PLXDC2: variants seen among roughly 807,000 people sequenced by gnomAD.
The protein encoded by PLXDC2 is plexin domain-containing protein 2.
In PLXDC2, 40 loss-of-function variants were observed where a neutral mutation model predicts 68.9. That is an observed-to-expected ratio of 0.58 (90% confidence interval 0.45 to 0.76). The LOEUF is 0.76. Among genes scored for constraint, PLXDC2 ranks in the 30% least tolerant of loss-of-function variants. The pLI is 0.00. For synonymous variants in PLXDC2, 243 were observed against 234.2 expected, an observed-to-expected ratio of 1.04 and a Z score of -0.34; for missense variants, 644 against 661.9, an observed-to-expected ratio of 0.97 and a Z score of 0.30.
intron 4 of PLXDC2, among the ~76,000 whole-genome samples, chr10:20,106,564 T>C (rs1025778260): frequency 3.3e-5 from 5 of 152,164 alleles, no homozygotes; most frequent in African/African-American, 1.2e-4. Context: ...GCATATGGGA[T>C]TGTGCATGTG....
At chr10:20,161,025 G>A (rs1308299570) in intron 6 of PLXDC2, among the ~76,000 whole-genome samples, 1 of 152,064 alleles carries the variant, frequency 6.6e-6, no homozygotes, top group Non-Finnish European at 1.5e-5. Flanking sequence ...CAGAAAATTA[G>A]GATGAGCAAT....
chr10:20,168,863 G>A (rs1362021189), intron 7 of PLXDC2, among the ~76,000 whole-genome samples: 2 of 152,056 alleles, frequency 1.3e-5, no homozygotes, highest in African/African-American at 2.4e-5. Context: ...CAGAGAAATA[G>A]TAATAAATGT....
At chr10:20,161,892 G>T (rs1401422651) in intron 6 of PLXDC2, among the ~76,000 whole-genome samples, 1 of 151,808 alleles carries the variant, frequency 6.6e-6, no homozygotes, top group Non-Finnish European at 1.5e-5. Flanking sequence ...TTAGCTGGGC[G>T]CAGTGTCACT....
At chr10:19,822,645 G>A (rs1283997982) in intron 1 of PLXDC2, among the ~76,000 whole-genome samples, 1 of 151,954 alleles carries the variant, frequency 6.6e-6, no homozygotes, top group African/African-American at 2.4e-5. Context: ...ACTATCTATT[G>A]TCTTTTTGAC....
intron 2 of PLXDC2, among the ~76,000 whole-genome samples, chr10:20,014,197 T>TTTCCTTCCTTCC (rs912652172): frequency 1.6e-5 from 2 of 122,794 alleles, no homozygotes; most frequent in African/African-American, 5.3e-5. Context: ...CCCTCCCTTG[T>TTTCCTTCCTTCC]TTCCTTCCTT....
intron 1 of PLXDC2, among the ~76,000 whole-genome samples, chr10:19,931,105 G>A (rs1036989630): frequency 5.9e-5 from 9 of 152,254 alleles, no homozygotes; most frequent in Admixed American, 1.3e-4. Context: ...ACACCCATGG[G>A]AAGGAGAGCT....
At chr10:19,843,032 T>C (rs1358673905) in intron 1 of PLXDC2, among the ~76,000 whole-genome samples, 1 of 151,728 alleles carries the variant, frequency 6.6e-6, no homozygotes, top group Admixed American at 6.6e-5. Context: ...ATATCCTCCT[T>C]CTTAGTAATG....
At chr10:20,089,962 G>A (rs1833254709) in intron 4 of PLXDC2, among the ~76,000 whole-genome samples, 1 of 152,140 alleles carries the variant, frequency 6.6e-6, no homozygotes, top group Non-Finnish European at 1.5e-5. Context: ...AGATTAGAGG[G>A]AAGGCTCATC....
At chr10:20,104,841 A>G (rs748605815) in intron 4 of PLXDC2, among the ~76,000 whole-genome samples, 2 of 152,068 alleles carry the variant, frequency 1.3e-5, no homozygotes, top group Non-Finnish European at 2.9e-5. Flanking sequence ...TCACGAAGTC[A>G]GGAGATCGAG....
intron 3 of PLXDC2, among the ~76,000 whole-genome samples, chr10:20,049,500 A>G (rs533497398): frequency 6.6e-6 from 1 of 152,228 alleles, no homozygotes; most frequent in Non-Finnish European, 1.5e-5. Context: ...CTGATAAACA[A>G]CTTCAGCAAG....
rs1374931637 is a variant in PLXDC2, at chr10:20,281,564, G to A, written c.*1745G>A. 1.3e-5 allele frequency: 2 copies of A among 152,074 alleles called. No individual in the cohort carries two copies. Among genetic ancestry groups the A allele is most frequent in the Non-Finnish European group, 2.9e-5 (2 of 68,006 alleles). 9.4% of individuals were successfully genotyped at this position (152,074 alleles called of 1,614,324 possible). ...ATCATCACAAGTGTCTGACGTGAAC[G>A]AATGCCATTTTCTATTCCATATATT... On this transcript the variant is annotated 3_prime_UTR_variant, in exon 14 of 14. Transcript: ENST00000377252.
At chr10:20,071,601 G>A (rs182228726) in intron 4 of PLXDC2, among the ~76,000 whole-genome samples, 3 of 152,286 alleles carry the variant, frequency 2.0e-5, no homozygotes, top group Admixed American at 2.0e-4. Flanking sequence ...TGCCATGATT[G>A]TGAGGCCTCC....
At chr10:19,835,608 A>G (rs1400889614) in intron 1 of PLXDC2, among the ~76,000 whole-genome samples, 2 of 152,164 alleles carry the variant, frequency 1.3e-5, no homozygotes, top group African/African-American at 4.8e-5. Context: ...AGCAGGAATA[A>G]TCAGAGAAGA....
In PLXDC2 at chr10:19,996,794, G is replaced by A. The variant is rs563456722; in HGVS notation, c.113-4981G>A. Among the ~76,000 whole-genome samples, 3 of 152,250 alleles carry A rather than the reference G, an allele frequency of 2.0e-5. No homozygotes were observed. In the South Asian group the frequency reaches 6.2e-4, roughly 32 times the overall value. On this transcript the variant is annotated intron_variant, in intron 1 of 13. Transcript: ENST00000377252. ...CACAATCATGGGGGAAGGCGAGGAG[G>A]GGCAAGTCACATCTTACATGGAGGG...
At position 20,000,008 on chromosome 10, in the gene PLXDC2, C is replaced by T. The variant is rs376168964; in HGVS notation, c.113-1767C>T. 2.0e-5 allele frequency among the ~76,000 whole-genome samples: 3 copies of T among 152,144 alleles called. No individual in the cohort carries two copies. The East Asian group carries it at 5.8e-4, about 29-fold the overall frequency. Reference sequence around the variant, plus strand: ...CCCAAGAGTCCTGGATTCTTCCTTGCACAGTAGTTTTTTCATTACTTAATT... The same window carrying T: ...CCCAAGAGTCCTGGATTCTTCCTTGTACAGTAGTTTTTTCATTACTTAATT... On this transcript the variant is annotated intron_variant, in intron 1 of 13. Transcript: ENST00000377252.
Position 19,950,062 on chromosome 10 carries a change from CT to C in PLXDC2, c.113-51712del, listed in dbSNP as rs1175875480. ...TGACAAATCCACACCTAATATCATA[CT>C]GAATGGGAAAAAGCTGGAAGCATTC... On this transcript the variant is annotated intron_variant, in intron 1 of 13. Transcript: ENST00000377252. 2.0e-5 allele frequency among the ~76,000 whole-genome samples: 3 copies of C among 152,186 alleles called. No individual in the cohort carries two copies. The East Asian group carries it at 5.8e-4, about 29-fold the overall frequency.
intron 13 of PLXDC2, among the ~76,000 whole-genome samples, chr10:20,256,386 G>A (rs1041877317): frequency 6.6e-6 from 1 of 151,872 alleles, no homozygotes; most frequent in African/African-American, 2.4e-5. Context: ...ACCGGCCTCT[G>A]CCTCCCAAAC....
chr10:19,953,759 C>G (rs1279147009), intron 1 of PLXDC2, among the ~76,000 whole-genome samples: 2 of 151,978 alleles, frequency 1.3e-5, no homozygotes, highest in Non-Finnish European at 2.9e-5. Flanking sequence ...TCAAAGTGAT[C>G]TCTAAGAGTG....
At chr10:20,076,141 G>C (rs190916549) in intron 4 of PLXDC2, among the ~76,000 whole-genome samples, 6 of 152,334 alleles carry the variant, frequency 3.9e-5, no homozygotes, top group Non-Finnish European at 7.3e-5. Flanking sequence ...ATATATGCCA[G>C]ATGCTCTAAC....
Sources: gnomAD v4.1 joint callset for allele counts (sites outside exome capture counted in the v4.1 genomes callset) on GRCh38, gnomAD v4.1.1 for gene constraint, MANE v1.5 for transcripts, NCBI Gene and HGNC (gene_info 2026-07-23, HGNC 2026-07-21) for gene names.